BRD10: variants seen among roughly 807,000 people sequenced by gnomAD.
The protein encoded by BRD10 is bromodomain containing 10.
chr9:5,981,373 A>G, the BRD10 span, among the ~76,000 whole-genome samples: 2 of 152,206 alleles, frequency 1.3e-5, no homozygotes, highest in African/African-American at 4.8e-5. Flanking sequence ...TTATTTCTTA[A>G]GATTCTGCTA....
At chr9:5,904,840 C>G in the BRD10 span, among the ~76,000 whole-genome samples, 5 of 150,770 alleles carry the variant, frequency 3.3e-5, no homozygotes, top group South Asian at 1.0e-3. Context: ...GTGGTATGAT[C>G]TGGGCTCACT....
chr9:5,974,187 T>A, the BRD10 span, among the ~76,000 whole-genome samples: 3 of 152,196 alleles, frequency 2.0e-5, no homozygotes, highest in Admixed American at 6.5e-5. Flanking sequence ...CTGAGAGATC[T>A]ATTAATAGCA....
the BRD10 span, chr9:5,968,215 G>C: frequency 4.5e-5 from 72 of 1,611,900 alleles, no homozygotes; most frequent in Non-Finnish European, 5.8e-5. Context: ...TGAGTTTCTT[G>C]TGGCTCTGTA....
the BRD10 span, among the ~76,000 whole-genome samples, chr9:6,003,691 G>A: frequency 1.3e-5 from 2 of 152,022 alleles, no homozygotes; most frequent in Admixed American, 1.3e-4. Context: ...TTCATTCTGA[G>A]AATTAATCAG....
chr9:5,922,085 T>C, the BRD10 span: 11 of 1,613,840 alleles, frequency 6.8e-6, no homozygotes, highest in African/African-American at 1.1e-4. Context: ...AGATACAGTA[T>C]TGGGTGAATT....
chr9:5,988,407 A>G, the BRD10 span: 9 of 1,613,908 alleles, frequency 5.6e-6, no homozygotes, highest in Non-Finnish European at 7.6e-6. Flanking sequence ...TTATAGATTC[A>G]AAAACTCCAC....
chr9:5,968,135 T>A, the BRD10 span: 5 of 1,582,628 alleles, frequency 3.2e-6, 1 homozygote, highest in Admixed American at 7.4e-5. Flanking sequence ...TCTCTGTAAG[T>A]TTTCATTCAA....
the BRD10 span, chr9:5,968,331 C>T: frequency 2.5e-6 from 4 of 1,609,844 alleles, no homozygotes; most frequent in Non-Finnish European, 3.4e-6. Flanking sequence ...AGAGTATTTT[C>T]TTTTAATGGA....
chr9:5,923,200 T>C, the BRD10 span: 3 of 1,614,040 alleles, frequency 1.9e-6, no homozygotes, highest in East Asian at 2.2e-5. Flanking sequence ...GTTTGGACTG[T>C]CGTTTAAGTG....
chr9:5,920,602 T>G, the BRD10 span: 4 of 1,613,952 alleles, frequency 2.5e-6, no homozygotes, highest in Admixed American at 6.7e-5. Flanking sequence ...TTACATTTGT[T>G]GGCACTGTAG....
chr9:5,969,049 A>G, the BRD10 span: 2 of 1,612,608 alleles, frequency 1.2e-6, no homozygotes, highest in African/African-American at 2.7e-5. Flanking sequence ...CCAGTTTTTC[A>G]GCACAGTTAT....
At chr9:5,933,848 T>G in the BRD10 span, 2 of 470,234 alleles carry the variant, frequency 4.3e-6, no homozygotes, top group African/African-American at 2.0e-5. Context: ...GGAGAGGGAG[T>G]TGGCAATCTA....
At chr9:5,919,585 A>ACACACACACACAC in the BRD10 span, 25 of 351,162 alleles carry the variant, frequency 7.1e-5, no homozygotes, top group Non-Finnish European at 9.1e-5. Context: ...CACACACACA[A>ACACACACACACAC]TGTATAGTAT....
chr9:5,919,467 G>A, the BRD10 span: 1 of 476,512 alleles, frequency 2.1e-6, no homozygotes, highest in Non-Finnish European at 3.7e-6. Context: ...CCTCAGAACA[G>A]TAAGTGAAAT....
At chr9:5,896,188 T>C in the BRD10 span, among the ~76,000 whole-genome samples, 1 of 152,320 alleles carries the variant, frequency 6.6e-6, no homozygotes, top group East Asian at 1.9e-4. Context: ...TTGACCAGCA[T>C]AATGTCAGCT....
chr9:5,926,602 G>A, the BRD10 span, among the ~76,000 whole-genome samples: 4 of 152,110 alleles, frequency 2.6e-5, no homozygotes, highest in African/African-American at 9.7e-5. Context: ...CGCGATCACA[G>A]CTCACTGCAA....
the BRD10 span, among the ~76,000 whole-genome samples, chr9:5,897,161 G>A: frequency 6.6e-6 from 1 of 152,228 alleles, no homozygotes. Context: ...ATGAGTCAGT[G>A]TTAATTTCTA....
At chr9:5,924,665 A>T in the BRD10 span, 1 of 1,502,098 alleles carries the variant, frequency 6.7e-7, no homozygotes, top group Non-Finnish European at 8.9e-7. Flanking sequence ...TACCTGAATC[A>T]AAGTGATCTT....
chr9:5,996,858 C>T, the BRD10 span, among the ~76,000 whole-genome samples: 15 of 152,158 alleles, frequency 9.9e-5, no homozygotes, highest in Non-Finnish European at 2.2e-4. Context: ...CAGGAGTTCT[C>T]AATGCAGGCA....
Sources: gnomAD v4.1 joint callset for allele counts (sites outside exome capture counted in the v4.1 genomes callset) on GRCh38, gnomAD v4.1.1 for gene constraint, MANE v1.5 for transcripts, NCBI Gene and HGNC (gene_info 2026-07-23, HGNC 2026-07-21) for gene names.